Variants in CDH18 observed in about 807,000 individuals in gnomAD.
The protein encoded by CDH18 is cadherin 18, also known as cadherin-18.
Under a neutral mutation model 67.9 loss-of-function variants are expected in CDH18, and 31 were observed. The ratio of observed to expected loss-of-function variants is 0.46; its 90% CI spans 0.34 to 0.62. The LOEUF is 0.62. CDH18 is among the 20% of genes least tolerant of loss of function. The pLI, the probability that CDH18 is intolerant of heterozygous loss-of-function variation, is 0.01. For synonymous variants in CDH18, 362 were observed against 347.2 expected (o/e 1.04, Z -0.48); for missense variants, 890 against 975.5 (o/e 0.91, Z 1.17).
intron 2 of CDH18, among the ~76,000 whole-genome samples, chr5:20,003,392 TCA>T (rs997417953): frequency 2.0e-5 from 3 of 152,082 alleles, no homozygotes; most frequent in African/African-American, 7.2e-5. Context: ...TTGCTGGATG[TCA>T]CACTACTCTC....
intron 1 of CDH18, among the ~76,000 whole-genome samples, chr5:20,530,817 A>G (rs1206137818): frequency 6.6e-5 from 10 of 152,108 alleles, no homozygotes; most frequent in Admixed American, 5.9e-4. Flanking sequence ...CATTCAGGAC[A>G]CAGGCATGGG....
chr5:19,876,028 T>A (rs540246577), intron 2 of CDH18, among the ~76,000 whole-genome samples: 84 of 152,060 alleles, frequency 5.5e-4, no homozygotes, highest in African/African-American at 2.0e-3. Flanking sequence ...ACCAAAATTG[T>A]CTGCTCCTGG....
At chr5:20,208,558 TA>T (rs377172879) in intron 2 of CDH18, among the ~76,000 whole-genome samples, 5 of 151,854 alleles carry the variant, frequency 3.3e-5, no homozygotes, top group Non-Finnish European at 5.9e-5. Context: ...CTCACTGTAT[TA>T]AAAAAAATGT....
intron 2 of CDH18, among the ~76,000 whole-genome samples, chr5:20,094,952 T>C (rs1198553881): frequency 2.6e-5 from 4 of 152,128 alleles, no homozygotes; most frequent in Admixed American, 6.6e-5. Context: ...GTGGCACATA[T>C]ATACCATGGA....
chr5:20,519,171 GA>G (rs1227426958), intron 1 of CDH18, among the ~76,000 whole-genome samples: 3 of 151,908 alleles, frequency 2.0e-5, no homozygotes, highest in Non-Finnish European at 4.4e-5. Context: ...GATATCTGAA[GA>G]AAAAAATGAC....
chr5:20,318,415 C>T (rs1737665318), intron 1 of CDH18, among the ~76,000 whole-genome samples: 1 of 152,086 alleles, frequency 6.6e-6, no homozygotes, highest in African/African-American at 2.4e-5. Context: ...GTGTCCCCAA[C>T]AAAATCTCAT....
chr5:20,195,206 G>A (rs934568279), intron 2 of CDH18, among the ~76,000 whole-genome samples: 1 of 151,880 alleles, frequency 6.6e-6, no homozygotes, highest in Non-Finnish European at 1.5e-5. Flanking sequence ...AGCATTCAGT[G>A]AACCAAGAAA....
chr5:19,668,558 T>C (rs1758294387), intron 5 of CDH18, among the ~76,000 whole-genome samples: 1 of 152,086 alleles, frequency 6.6e-6, no homozygotes, highest in African/African-American at 2.4e-5. Flanking sequence ...GTCAGTATCA[T>C]ATAAAATAAT....
chr5:19,901,313 A>G (rs1579502668), intron 2 of CDH18, among the ~76,000 whole-genome samples: 2 of 152,250 alleles, frequency 1.3e-5, no homozygotes. Context: ...TTTTAACATC[A>G]GTAACAGAAG....
chr5:20,531,455 A>G (rs1651439), intron 1 of CDH18, among the ~76,000 whole-genome samples: 63,854 of 151,922 alleles, frequency 0.42, 14,678 homozygotes, highest in East Asian at 0.56. Context: ...TCATTGGAGC[A>G]CTGTTCACAA....
chr5:19,671,618 A>G (rs1402304653), intron 5 of CDH18, among the ~76,000 whole-genome samples: 2 of 152,094 alleles, frequency 1.3e-5, no homozygotes, highest in East Asian at 1.9e-4. Flanking sequence ...GAATTTGTCA[A>G]ATAGGATTTT....
At chr5:20,546,518 G>C (rs1019079827) in intron 1 of CDH18, among the ~76,000 whole-genome samples, 1 of 152,148 alleles carries the variant, frequency 6.6e-6, no homozygotes, top group African/African-American at 2.4e-5. Flanking sequence ...GTGAAGGGAA[G>C]TAAAGCACAT....
chr5:20,006,251 G>A (rs927623434), intron 2 of CDH18, among the ~76,000 whole-genome samples: 9 of 151,746 alleles, frequency 5.9e-5, no homozygotes, highest in African/African-American at 1.2e-4. Flanking sequence ...AGAAAGGTTT[G>A]GGAGGAAATA....
chr5:20,503,232 TTTTA>T (rs1293745596), intron 1 of CDH18, among the ~76,000 whole-genome samples: 5 of 117,136 alleles, frequency 4.3e-5, no homozygotes, highest in African/African-American at 5.9e-5. Context: ...TAACTTAGCT[TTTTA>T]TTTCTTTTTT....
At chr5:20,008,778 T>G (rs1016033039) in intron 2 of CDH18, among the ~76,000 whole-genome samples, 1 of 152,146 alleles carries the variant, frequency 6.6e-6, no homozygotes, top group African/African-American at 2.4e-5. Context: ...ACATTTAGAA[T>G]TCTAATTTTA....
intron 1 of CDH18, among the ~76,000 whole-genome samples, chr5:20,307,132 A>G (rs2149981069): frequency 6.6e-6 from 1 of 152,068 alleles, no homozygotes; most frequent in Admixed American, 6.5e-5. Flanking sequence ...ATGAGATCTA[A>G]GGCAGTATGT....
intron 2 of CDH18, among the ~76,000 whole-genome samples, chr5:20,037,855 G>C (rs1429465084): frequency 6.6e-6 from 1 of 151,948 alleles, no homozygotes; most frequent in African/African-American, 2.4e-5. Context: ...ACTAAGATCA[G>C]AGCAGAACTG....
At chr5:19,582,181 T>C in intron 7 of CDH18, among the ~76,000 whole-genome samples, 1 of 151,974 alleles carries the variant, frequency 6.6e-6, no homozygotes, top group East Asian at 1.9e-4. Context: ...CATATGTGTG[T>C]ATATGTATAT....
chr5:19,913,713 G>C (rs1462346540), intron 2 of CDH18, among the ~76,000 whole-genome samples: 2 of 152,064 alleles, frequency 1.3e-5, no homozygotes, highest in African/African-American at 4.8e-5. Context: ...CTAAGATGGA[G>C]GGGAGACCTC....
Sources: allele counts gnomAD v4.1 joint callset (sites outside exome capture counted in the v4.1 genomes callset), GRCh38; gene constraint gnomAD v4.1.1; transcripts MANE v1.5; gene names NCBI Gene and HGNC (gene_info 2026-07-23, HGNC 2026-07-21).